Variants in RPS3 observed in about 807,000 individuals in gnomAD.
RPS3 encodes the protein ribosomal protein S3, also known as small ribosomal subunit protein uS3.
A neutral mutation model predicts 25.8 loss-of-function variants in RPS3; 2 were observed. The ratio of observed to expected loss-of-function variants is 0.08; its 90% confidence interval spans 0.03 to 0.24. The LOEUF (loss-of-function observed/expected upper bound fraction) is 0.24. Ranked by LOEUF, RPS3 falls within the 10% of genes least tolerant of loss-of-function variation. The pLI, the probability that RPS3 is intolerant of heterozygous loss-of-function variation, is 1.00. For missense variants in RPS3, 107 were observed against 307.1 expected, an observed-to-expected ratio of 0.35 and a Z score of 4.87; for synonymous variants, 114 against 114.2, an observed-to-expected ratio of 1.00 and a Z score of 0.01.
chr11:75,420,937 TG>T (rs1948438354), intron 6 of RPS3, among the ~76,000 whole-genome samples: 1 of 151,916 alleles, frequency 6.6e-6, no homozygotes. Context: ...ATGGGGTAAA[TG>T]GGGCGCCCTG....
intron 6 of RPS3, among the ~76,000 whole-genome samples, chr11:75,416,137 A>G (rs1283307170): frequency 6.6e-6 from 1 of 152,230 alleles, no homozygotes; most frequent in Non-Finnish European, 1.5e-5. Flanking sequence ...GCGCAAGCAC[A>G]TCAGTTACCT....
chr11:75,408,308 G>T (rs1201911901), downstream of RPS3, among the ~76,000 whole-genome samples: 1 of 152,132 alleles, frequency 6.6e-6, no homozygotes, highest in Admixed American at 6.5e-5. Context: ...TTCCAGGCCA[G>T]CCTGGACAAC....
At chr11:75,402,228 A>T in intron 3 of RPS3, 124 bp from the exon 4 acceptor site, 4 of 1,449,000 alleles carry the variant, frequency 2.8e-6, no homozygotes, top group Non-Finnish European at 3.8e-6. Context: ...CCTGGGCAGC[A>T]TGCGGCCCGT....
downstream of RPS3, among the ~76,000 whole-genome samples, chr11:75,407,668 C>G (rs1016115612): frequency 2.6e-5 from 4 of 151,860 alleles, no homozygotes; most frequent in Non-Finnish European, 5.9e-5. Flanking sequence ...GACGGGGTTT[C>G]ACCGTGTTAG....
At chr11:75,415,177 C>T (rs543321206) in intron 6 of RPS3, among the ~76,000 whole-genome samples, 6 of 152,294 alleles carry the variant, frequency 3.9e-5, no homozygotes, top group Non-Finnish European at 5.9e-5. Context: ...ACTTGAGATG[C>T]GGGGAGAAGC....
rs775954702 is a variant in RPS3 at position 75,404,574 on chromosome 11, C to A, written c.539-98C>A. On this transcript the variant is annotated intron_variant, in intron 5 of 6. Transcript: ENST00000531188. The surrounding 1 kb of genome is among the most constrained non-coding windows in gnomAD (Gnocchi z 4.6). The stretch of plus-strand genomic sequence containing the variant: ...GGCATTTGTCTGAGAAGGGTCCAGA[C>A]CCAGGGGTGCTTGAGTAAACTGCTT... The A allele has an allele frequency of 1.7e-6, 2 of 1,201,210 alleles. No homozygotes were observed. The highest frequency in any genetic ancestry group is 2.5e-6 in the Non-Finnish European group (2 of 804,774). The allele number at this position is 1,201,210 out of a possible 1,614,324, so 74.4% of individuals were successfully genotyped here.
chr11:75,406,617 G>A lies in RPS3; in HGVS notation c.*1007G>A, dbSNP rs1209668268. ...GTAGGGCGTACACTGACAAGTATCTGACCCCCCCTTCCTTTTTGACTCATA... is the reference window on the plus strand; with the variant it reads ...GTAGGGCGTACACTGACAAGTATCTAACCCCCCCTTCCTTTTTGACTCATA... On this transcript the variant is annotated 3_prime_UTR_variant, in exon 7 of 7. Coordinates refer to ENST00000531188, the MANE Select transcript of RPS3 (RefSeq NM_001005.5). 1.3e-5 allele frequency: 2 copies of A among 152,172 alleles called. No homozygotes were observed. Among genetic ancestry groups the A allele is most frequent in the African/African-American group, 2.4e-5 (1 of 41,424 alleles). The allele number at this position is 152,172 out of a possible 1,614,324, so 9.4% of individuals were successfully genotyped here. A position where few individuals can be genotyped will look rare whatever the true frequency, so the allele number is the denominator to read the frequency against.
intron 6 of RPS3, among the ~76,000 whole-genome samples, chr11:75,412,261 T>G (rs1052853792): frequency 6.6e-6 from 1 of 152,200 alleles, no homozygotes; most frequent in East Asian, 1.9e-4. Context: ...CAAATTCTTA[T>G]GTTGAAGCCC....
At chr11:75,401,571 C>T in intron 2 of RPS3, 69 bp from the exon 3 acceptor site, 1 of 1,074,792 alleles carries the variant, frequency 9.3e-7, no homozygotes, top group Non-Finnish European at 1.4e-6. Context: ...TGCTACCACA[C>T]ATATATGCAA....
chr11:75,416,458 C>CTTTT lies in RPS3; in HGVS notation c.*4-5268_*4-5267insTTTT, dbSNP rs72030839. Among the ~76,000 whole-genome samples, 47 of 125,968 alleles carry CTTTT rather than the reference C, an allele frequency of 3.7e-4. 3 individuals are homozygous for CTTTT. Among genetic ancestry groups the CTTTT allele is most frequent in the East Asian group, 6.8e-4 (3 of 4,430 alleles). The allele number at this position is 125,968 out of a possible 152,430, so 82.6% of individuals were successfully genotyped here. The stretch of plus-strand genomic sequence containing the variant: ...GTTCCATTTTCCATCTTGATTATTT[C>CTTTT]TATTTTTTTTTTTTTTTTTTGAGAC... On this transcript the variant is annotated intron_variant, in intron 6 of 6. Transcript: ENST00000527446.
At chr11:75,411,390 T>G (rs1448742497), downstream of RPS3, among the ~76,000 whole-genome samples, 1 of 151,984 alleles carries the variant, frequency 6.6e-6, no homozygotes, top group East Asian at 1.9e-4. Flanking sequence ...TTTTATTTTA[T>G]TTTATTTATT....
chr11:75,413,603 A>ATG (rs1480318090), intron 6 of RPS3, among the ~76,000 whole-genome samples: 1 of 152,138 alleles, frequency 6.6e-6, no homozygotes, highest in Non-Finnish European at 1.5e-5. Context: ...ACACCACTGA[A>ATG]TGTGTGTATT....
At chr11:75,408,928 G>C (rs140857934), downstream of RPS3, among the ~76,000 whole-genome samples, 80 of 152,224 alleles carry the variant, frequency 5.3e-4, no homozygotes, top group African/African-American at 1.8e-3. Context: ...TATAAATTAT[G>C]CTGGGACTCC....
chr11:75,414,400 A>G (rs1442374323), intron 6 of RPS3, among the ~76,000 whole-genome samples: 2 of 152,220 alleles, frequency 1.3e-5, no homozygotes, highest in South Asian at 2.1e-4. Context: ...TCACGAGGTC[A>G]GGAGATTGAG....
downstream of RPS3, among the ~76,000 whole-genome samples, chr11:75,410,341 A>T (rs1948340168): frequency 6.8e-6 from 1 of 146,088 alleles, no homozygotes; most frequent in African/African-American, 2.6e-5. Flanking sequence ...CGCTCCTCAC[A>T]TCCCAGACAG....
intron 4 of RPS3, 169 bp from the exon 5 acceptor site, chr11:75,403,834 ACTTGATGAATATTACCC>A (rs1489485989): frequency 1.8e-6 from 1 of 568,180 alleles, no homozygotes; most frequent in Admixed American, 3.3e-5. Context: ...AGCTTGACAT[ACTTGATGAATATTACCC>A]TAAGGTTCGG....
chr11:75,405,460 A>ATTTT, intron 6 of RPS3, 154 bp from the exon 7 acceptor site: 5 of 297,050 alleles, frequency 1.7e-5, no homozygotes, highest in Admixed American at 4.5e-5. Flanking sequence ...GGTGCCTTGT[A>ATTTT]TTTTTTTTTT....
chr11:75,421,873 T>G (rs1398124324), exon 7 of RPS3: 1 of 152,260 alleles, frequency 6.6e-6, no homozygotes, highest in African/African-American at 2.4e-5. Context: ...CAGAGGTGTT[T>G]GTAACCATCT....
chr11:75,415,529 C>T lies in RPS3; in HGVS notation c.*4-6198C>T, dbSNP rs145283811. 6.4e-3 allele frequency among the ~76,000 whole-genome samples: 969 copies of T among 152,030 alleles called. 10 individuals are homozygous for T. Among genetic ancestry groups the T allele is most frequent in the African/African-American group, 0.022 (923 of 41,448 alleles). ...CTCTACTAAAAATACAAAATTTAGC[C>T]GGGCATGGTGGTTCATGCCTATAAT... On this transcript the variant is annotated intron_variant, in intron 6 of 6. Transcript: ENST00000527446.
Sources: gnomAD v4.1 joint callset for allele counts (sites outside exome capture counted in the v4.1 genomes callset) on GRCh38, gnomAD v4.1.1 for gene constraint, Gnocchi (gnomAD v3.1) non-coding constraint, MANE v1.5 for transcripts, NCBI Gene and HGNC (gene_info 2026-07-23, HGNC 2026-07-21) for gene names.